The following GRIP1 variants were observed in gnomAD, a reference collection of about 807,000 sequenced individuals.
GRIP1 encodes glutamate receptor interacting protein 1.
In GRIP1, 45 loss-of-function variants were observed where a neutral mutation model predicts 129.9. The observed-to-expected ratio is 0.35, with a 90% CI of 0.27 to 0.44. The LOEUF is 0.44. Ranked by LOEUF, GRIP1 falls within the 20% of genes least tolerant of loss-of-function variation. GRIP1 has a pLI of 1.00. For synonymous variants in GRIP1, 530 were observed against 520.8 expected, an observed-to-expected ratio of 1.02 and a Z score of -0.24; for missense variants, 1,196 against 1,396.8, an observed-to-expected ratio of 0.86 and a Z score of 2.29.
At chr12:66,937,683 T>C (rs1396525772) in intron 1 of GRIP1, among the ~76,000 whole-genome samples, 2 of 152,286 alleles carry the variant, frequency 1.3e-5, no homozygotes, top group South Asian at 2.1e-4. Flanking sequence ...GGAGATGATA[T>C]TATGGTGATA....
At chr12:66,803,851 G>A in intron 1 of GRIP1, 1 of 260,864 alleles carries the variant, frequency 3.8e-6, no homozygotes, top group African/African-American at 2.2e-5. Context: ...ACAGACCTTG[G>A]CTGGTGACAC....
At chr12:66,464,907 G>C (rs1340576085) in intron 8 of GRIP1, among the ~76,000 whole-genome samples, 3 of 150,306 alleles carry the variant, frequency 2.0e-5, no homozygotes, top group African/African-American at 7.4e-5. Context: ...ATTTAAAATT[G>C]CACACATGCA....
intron 1 of GRIP1, among the ~76,000 whole-genome samples, chr12:66,785,335 C>CATAT (rs1448856691): frequency 7.2e-4 from 20 of 27,808 alleles, no homozygotes; most frequent in East Asian, 6.2e-3. Context: ...TACATACATA[C>CATAT]ATACATACAT....
At chr12:66,502,232 A>T (rs78415127) in intron 7 of GRIP1, among the ~76,000 whole-genome samples, 10,359 of 152,066 alleles carry the variant, frequency 0.068, 442 homozygotes, top group East Asian at 0.15. Context: ...AAAGATTTTT[A>T]AAAAACCCTT....
chr12:67,059,369 G>A (rs973116522), intron 1 of GRIP1, among the ~76,000 whole-genome samples: 34 of 152,294 alleles, frequency 2.2e-4, no homozygotes, highest in East Asian at 7.7e-4. Flanking sequence ...AATAGGAAAA[G>A]TCTCATTTCA....
chr12:66,872,168 T>TA (rs1380730222), intron 1 of GRIP1, among the ~76,000 whole-genome samples: 2 of 152,062 alleles, frequency 1.3e-5, no homozygotes, highest in African/African-American at 4.8e-5. Flanking sequence ...TTTTGCCAGT[T>TA]AGTCAGTTGC....
At chr12:66,678,808 T>G (rs747133200) in intron 1 of GRIP1, 42 bp downstream of exon 1, 2 of 1,574,798 alleles carry the variant, frequency 1.3e-6, no homozygotes, top group African/African-American at 1.3e-5. Flanking sequence ...TATAGGATAC[T>G]GCAACAGACT....
chr12:66,373,763 C>T (rs2055647760), intron 22 of GRIP1, among the ~76,000 whole-genome samples: 1 of 152,234 alleles, frequency 6.6e-6, no homozygotes, highest in African/African-American at 2.4e-5. Flanking sequence ...GATCACTGAA[C>T]ATTAACATGT....
intron 1 of GRIP1, among the ~76,000 whole-genome samples, chr12:66,942,810 T>C (rs2041608626): frequency 6.6e-6 from 1 of 152,142 alleles, no homozygotes. Context: ...GGTGATTAGG[T>C]CATGAGAGTA....
exon 1 of GRIP1, chr12:66,804,179 G>A (rs748429874): frequency 4.0e-5 from 18 of 455,100 alleles, no homozygotes; most frequent in South Asian, 1.6e-4. Flanking sequence ...CCCAGGAAGC[G>A]GTCCATCTCT....
intron 1 of GRIP1, among the ~76,000 whole-genome samples, chr12:66,791,000 G>C (rs1042215183): frequency 1.3e-5 from 2 of 152,156 alleles, no homozygotes; most frequent in Non-Finnish European, 2.9e-5. Context: ...ATGATGACTG[G>C]TACAGTTGCT....
Position 66,347,595 on chromosome 12 carries a change from C to CTT in GRIP1, c.*1422_*1423dup, listed in dbSNP as rs1050575323. On this transcript the variant is annotated 3_prime_UTR_variant, in exon 25 of 25. Transcript: ENST00000359742. ...AAAGTATTAAATTTGTACAAAAATA[C>CTT]TTTACAGTTTAATACTTGTTTGTTA... 48 of 152,104 alleles carry CTT rather than the reference C, an allele frequency of 3.2e-4. No homozygotes were observed. The highest frequency in any genetic ancestry group is 1.7e-3 in the South Asian group (8 of 4,824). The allele number at this position is 152,104 out of a possible 1,614,324, so 9.4% of individuals were successfully genotyped here. A position where few individuals can be genotyped will look rare whatever the true frequency, so the allele number is the denominator to read the frequency against.
rs763963651 is a variant in GRIP1 at position 66,392,786 on chromosome 12, G to T, written c.2160C>A (p.Ile720=). 1 of 1,614,078 alleles carries T rather than the reference G, an allele frequency of 6.2e-7. No homozygotes were observed. Among genetic ancestry groups the T allele is most frequent in the South Asian group, 1.1e-5 (1 of 91,074 alleles). ...RTGAIHIGDR[I]LAINSSSLKG... ...TCAAGCTGCTGCTATTGATGGCTAG[G>T]ATTCGGTCTCCTATGTGGATTGCGC... The change falls in exon 18 of 25, where the codon ATC becomes ATA. Residue 720 remains isoleucine (I), a synonymous_variant. Coordinates refer to ENST00000359742, the MANE Select transcript of GRIP1 (RefSeq NM_001366722.1).
At chr12:66,398,987 T>C (rs2056890971) in intron 16 of GRIP1, among the ~76,000 whole-genome samples, 1 of 151,946 alleles carries the variant, frequency 6.6e-6, no homozygotes, top group African/African-American at 2.4e-5. Context: ...ACTCAGTAAA[T>C]GCTTGAACAA....
intron 1 of GRIP1, among the ~76,000 whole-genome samples, chr12:66,928,775 AT>A (rs2041338258): frequency 6.6e-6 from 1 of 152,226 alleles, no homozygotes; most frequent in African/African-American, 2.4e-5. Flanking sequence ...AGGAATTTGT[AT>A]TCTAGTGCAG....
intron 22 of GRIP1, 129 bp from the exon 23 acceptor site, chr12:66,372,056 G>A: frequency 2.8e-6 from 2 of 703,444 alleles, no homozygotes; most frequent in South Asian, 3.0e-5. Context: ...ACCAAAGGCT[G>A]GAAAATGGAT....
chr12:66,743,324 A>G (rs1349487171), intron 1 of GRIP1, among the ~76,000 whole-genome samples: 1 of 152,088 alleles, frequency 6.6e-6, no homozygotes, highest in Non-Finnish European at 1.5e-5. Flanking sequence ...CCTCCCCCAA[A>G]GTGGAAGGAT....
At chr12:67,033,831 T>C (rs764284108) in intron 1 of GRIP1, among the ~76,000 whole-genome samples, 11 of 152,202 alleles carry the variant, frequency 7.2e-5, no homozygotes, top group Non-Finnish European at 1.6e-4. Context: ...TGAATTAATA[T>C]ATGTAAAAAT....
At chr12:66,714,779 G>C (rs185676156) in intron 1 of GRIP1, among the ~76,000 whole-genome samples, 92 of 151,832 alleles carry the variant, frequency 6.1e-4, no homozygotes, top group Non-Finnish European at 1.0e-3. Context: ...AAATATTCCA[G>C]GTAGTCAAGC....
Sources: gnomAD v4.1 joint callset for allele counts (sites outside exome capture counted in the v4.1 genomes callset) on GRCh38, gnomAD v4.1.1 for gene constraint, MANE v1.5 for transcripts, NCBI Gene and HGNC (gene_info 2026-07-23, HGNC 2026-07-21) for gene names.